The following KALRN variants were observed in gnomAD, a reference collection of about 807,000 sequenced individuals.
The protein encoded by KALRN is kalirin RhoGEF kinase.
A neutral mutation model predicts 353.7 loss-of-function variants in KALRN; 70 were observed. The observed-to-expected ratio is 0.20, with a 90% CI of 0.16 to 0.24. KALRN has a LOEUF of 0.24. KALRN is among the 10% of genes least tolerant of loss of function. The pLI is 1.00. For missense variants in KALRN, 2,791 were observed against 3,756.7 expected, an observed-to-expected ratio of 0.74 and a Z score of 6.72; for synonymous variants, 1,391 against 1,434.8, an observed-to-expected ratio of 0.97 and a Z score of 0.69.
chr3:124,594,611 G>C (rs538839280), intron 34 of KALRN, among the ~76,000 whole-genome samples: 1 of 152,206 alleles, frequency 6.6e-6, no homozygotes, highest in Admixed American at 6.5e-5. Context: ...TAATATAATG[G>C]TTAAGAGTTC....
intron 25 of KALRN, among the ~76,000 whole-genome samples, chr3:124,464,737 A>T (rs1392443129): frequency 1.3e-5 from 2 of 151,982 alleles, no homozygotes; most frequent in Non-Finnish European, 2.9e-5. Context: ...TCTTGATTAT[A>T]TAGTTTGTAA....
chr3:124,313,297 A>T (rs1010674286), intron 6 of KALRN, among the ~76,000 whole-genome samples: 2 of 152,224 alleles, frequency 1.3e-5, no homozygotes, highest in African/African-American at 4.8e-5. Context: ...GACAAAAATA[A>T]ATATGATCCA....
chr3:124,259,432 A>G (rs1175777503), intron 3 of KALRN, among the ~76,000 whole-genome samples: 3 of 152,220 alleles, frequency 2.0e-5, no homozygotes, highest in African/African-American at 7.2e-5. Context: ...GACATCTCCT[A>G]TGGCAGCTTA....
intron 5 of KALRN, 52 bp from the exon 6 acceptor site, chr3:124,298,739 C>T: frequency 6.2e-7 from 1 of 1,610,052 alleles, no homozygotes; most frequent in African/African-American, 1.3e-5. Context: ...AAGTTTTGCC[C>T]TATTCGACCC....
intron 25 of KALRN, among the ~76,000 whole-genome samples, chr3:124,469,154 C>T (rs1426938660): frequency 1.3e-5 from 2 of 152,200 alleles, no homozygotes; most frequent in Non-Finnish European, 2.9e-5. Context: ...CATCTGATCA[C>T]ACAAATTAGA....
intron 9 of KALRN, among the ~76,000 whole-genome samples, chr3:124,344,589 T>A (rs1398819727): frequency 2.0e-5 from 3 of 152,254 alleles, no homozygotes; most frequent in Non-Finnish European, 4.4e-5. Context: ...ATTACTAAAG[T>A]AATTTTGTTA....
intron 1 of KALRN, among the ~76,000 whole-genome samples, chr3:124,187,980 T>A (rs2074427422): frequency 6.6e-6 from 1 of 152,094 alleles, no homozygotes; most frequent in African/African-American, 2.4e-5. Context: ...AAATGGAATC[T>A]CCTAGGGAAA....
intron 5 of KALRN, among the ~76,000 whole-genome samples, chr3:124,270,833 T>TG (rs2074079067): frequency 3.4e-5 from 5 of 147,560 alleles, no homozygotes; most frequent in African/African-American, 7.4e-5. Context: ...TGTTTTTTTT[T>TG]TTTTTTTTTT....
At position 124,639,274 on chromosome 3, in the gene KALRN, A is replaced by C. The variant is rs935114763; in HGVS notation, c.5664+1971A>C. 2.0e-5 allele frequency among the ~76,000 whole-genome samples: 3 copies of C among 152,164 alleles called. No homozygotes were observed. In the East Asian group the frequency reaches 5.8e-4, roughly 29 times the overall value. On this transcript the variant is annotated intron_variant, in intron 37 of 59. Coordinates refer to ENST00000682506, the MANE Select transcript of KALRN (RefSeq NM_001388419.1). ...CTACAAGGGCTTCTCTGACCAGCCC[A>C]GGCCAAATTTCCATTATAATCCCAT...
At chr3:124,642,547 TTTGA>T (rs1245217894) in intron 37 of KALRN, among the ~76,000 whole-genome samples, 1 of 152,106 alleles carries the variant, frequency 6.6e-6, no homozygotes, top group Non-Finnish European at 1.5e-5. Flanking sequence ...GTTCTCCTAT[TTTGA>T]CAGCATTCAT....
At chr3:124,677,765 T>C (rs912352815) in intron 49 of KALRN, among the ~76,000 whole-genome samples, 1 of 152,182 alleles carries the variant, frequency 6.6e-6, no homozygotes, top group Non-Finnish European at 1.5e-5. Context: ...CCTGGGAAAG[T>C]GTCAGTAGCA....
intron 1 of KALRN, among the ~76,000 whole-genome samples, chr3:124,091,989 G>A (rs2061145610): frequency 6.6e-6 from 1 of 152,186 alleles, no homozygotes; most frequent in Admixed American, 6.5e-5. Flanking sequence ...GAAATGAGCA[G>A]TGGTGGGCTG....
At position 124,355,709 on chromosome 3, in the gene KALRN, C is replaced by CTTTTTTTTTTT. The variant is rs3055894; in HGVS notation, c.1770+8458_1770+8468dup. ...TTAAACACCCTCAACTCTCTCCCAT[C>CTTTTTTTTTTT]TTTTTTTTTTTTTTTTTTTTTTTTG... On this transcript the variant is annotated intron_variant, in intron 10 of 59. Coordinates refer to ENST00000682506, the MANE Select transcript of KALRN (RefSeq NM_001388419.1). Among the ~76,000 whole-genome samples, 54 of 97,410 alleles carry CTTTTTTTTTTT rather than the reference C, an allele frequency of 5.5e-4. 2 individuals are homozygous for CTTTTTTTTTTT. The highest frequency in any genetic ancestry group is 1.7e-3 in the African/African-American group (42 of 24,756). 63.9% of individuals were successfully genotyped at this position (97,410 alleles called of 152,430 possible).
intron 6 of KALRN, 39 bp downstream of exon 6, chr3:124,298,952 TG>T: frequency 6.2e-7 from 1 of 1,612,260 alleles, no homozygotes; most frequent in Non-Finnish European, 8.5e-7. Context: ...CCTCTGGGAG[TG>T]GGAGAGTGGG....
intron 13 of KALRN, among the ~76,000 whole-genome samples, chr3:124,410,703 G>A (rs2092075914): frequency 6.6e-6 from 1 of 152,212 alleles, no homozygotes; most frequent in Non-Finnish European, 1.5e-5. Context: ...CCAAGTGATG[G>A]TGAGGGTGTA....
chr3:124,610,043 A>G (rs1361042858), intron 34 of KALRN, among the ~76,000 whole-genome samples: 1 of 152,182 alleles, frequency 6.6e-6, no homozygotes, highest in East Asian at 1.9e-4. Context: ...TTTTTCCCCA[A>G]CAAATGTTTA....
chr3:124,052,027 G>A (rs2041091181), intron 1 of KALRN, among the ~76,000 whole-genome samples: 1 of 152,226 alleles, frequency 6.6e-6, no homozygotes, highest in Non-Finnish European at 1.5e-5. Flanking sequence ...ATGGATAGCA[G>A]GTGGGGGGAC....
At position 124,429,549 on chromosome 3, in the gene KALRN, T is replaced by C. The variant is rs376203040; in HGVS notation, c.2710-1107T>C. Among the ~76,000 whole-genome samples, 7 of 152,240 alleles carry C rather than the reference T, an allele frequency of 4.6e-5. No homozygotes were observed. The East Asian group carries it at 9.6e-4, about 21-fold the overall frequency. On this transcript the variant is annotated intron_variant, in intron 15 of 59. Transcript: ENST00000682506. The stretch of plus-strand genomic sequence containing the variant: ...CTCTCAGACTCCCTAATAAAGAAAG[T>C]GTTTGGCAATGTTCTGGTGACCAGA...
rs568070145 is a variant in KALRN, at chr3:124,483,567, ATAAT to A, written c.4284+672_4284+675del. Among the ~76,000 whole-genome samples the A allele has an allele frequency of 1.8e-4, 26 of 147,404 alleles. No individual in the cohort carries two copies. The East Asian group carries it at 4.2e-3, about 24-fold the overall frequency. ...ACACAGTCTCAAAAAAATAAGAATA[ATAAT>A]TAATAAATAAATAAAAGGTCAGAGT... On this transcript the variant is annotated intron_variant, in intron 28 of 59. Transcript: ENST00000682506.
Sources: allele counts gnomAD v4.1 joint callset (sites outside exome capture counted in the v4.1 genomes callset), GRCh38; gene constraint gnomAD v4.1.1; transcripts MANE v1.5; gene names NCBI Gene and HGNC (gene_info 2026-07-23, HGNC 2026-07-21).